The following SRGAP1 variants were observed in gnomAD, a reference collection of about 807,000 sequenced individuals.
SRGAP1 encodes the protein SLIT-ROBO Rho GTPase-activating protein 1.
In SRGAP1, 43 loss-of-function variants were observed where a neutral mutation model predicts 121.9. The ratio of observed to expected loss-of-function variants is 0.35; its 90% CI spans 0.28 to 0.46. SRGAP1 has a LOEUF of 0.46. SRGAP1 is among the 20% of genes least tolerant of loss of function. The pLI is 1.00. For synonymous variants in SRGAP1, 447 were observed against 485.4 expected, an observed-to-expected ratio of 0.92 and a Z score of 1.04; for missense variants, 1,102 against 1,350.9, an observed-to-expected ratio of 0.82 and a Z score of 2.89.
At chr12:64,095,249 A>G (rs749457342) in intron 14 of SRGAP1, 45 bp downstream of exon 14, 2 of 1,568,016 alleles carry the variant, frequency 1.3e-6, no homozygotes, top group South Asian at 2.2e-5. Flanking sequence ...TTGAAAAGTC[A>G]TCATGTTCTG....
intron 1 of SRGAP1, among the ~76,000 whole-genome samples, chr12:63,944,853 G>T (rs535310418): frequency 6.6e-6 from 1 of 152,180 alleles, no homozygotes; most frequent in Non-Finnish European, 1.5e-5. Context: ...TGCACAGTGA[G>T]GCACAAAGTG....
chr12:64,133,572 AC>A (rs1592352522), intron 21 of SRGAP1, among the ~76,000 whole-genome samples: 1 of 152,252 alleles, frequency 6.6e-6, no homozygotes, highest in Non-Finnish European at 1.5e-5. Context: ...TTACACAGTT[AC>A]CCTGGTAAAA....
At chr12:63,994,679 C>T (rs1262744616) in intron 3 of SRGAP1, among the ~76,000 whole-genome samples, 1 of 152,120 alleles carries the variant, frequency 6.6e-6, no homozygotes, top group Non-Finnish European at 1.5e-5. Context: ...CTGCTTTTAA[C>T]CTCTTAAGTT....
intron 1 of SRGAP1, among the ~76,000 whole-genome samples, chr12:63,946,614 G>T (rs1249525397): frequency 6.6e-6 from 1 of 151,216 alleles, no homozygotes; most frequent in Non-Finnish European, 1.5e-5. Flanking sequence ...TGGGATCTTG[G>T]CTCACTGAAT....
At chr12:64,047,600 G>A (rs2035155875) in intron 6 of SRGAP1, among the ~76,000 whole-genome samples, 1 of 152,130 alleles carries the variant, frequency 6.6e-6, no homozygotes, top group Non-Finnish European at 1.5e-5. Context: ...ATTATAAAGA[G>A]TCAGAGAATT....
intron 4 of SRGAP1, among the ~76,000 whole-genome samples, chr12:64,038,154 ATT>A (rs1161691792): frequency 6.6e-6 from 1 of 152,166 alleles, no homozygotes; most frequent in African/African-American, 2.4e-5. Flanking sequence ...AAAGGTACTT[ATT>A]TCATAAGAGT....
At chr12:64,031,345 A>G (rs2034775645) in intron 4 of SRGAP1, among the ~76,000 whole-genome samples, 1 of 150,962 alleles carries the variant, frequency 6.6e-6, no homozygotes, top group Non-Finnish European at 1.5e-5. Context: ...AATAGCTGCC[A>G]TCTACCCTGA....
At chr12:64,073,537 C>G (rs566062815) in intron 8 of SRGAP1, among the ~76,000 whole-genome samples, 1 of 152,268 alleles carries the variant, frequency 6.6e-6, no homozygotes, top group South Asian at 2.1e-4. Flanking sequence ...CCCGAAGATG[C>G]TCAAGTCCCT....
At chr12:63,999,261 G>A (rs1267384704) in intron 3 of SRGAP1, among the ~76,000 whole-genome samples, 1 of 152,148 alleles carries the variant, frequency 6.6e-6, no homozygotes, top group Non-Finnish European at 1.5e-5. Flanking sequence ...GGAGAAATAA[G>A]GAGTTGAAAT....
At chr12:63,868,321 G>A (rs1230656712) in intron 1 of SRGAP1, among the ~76,000 whole-genome samples, 1 of 151,728 alleles carries the variant, frequency 6.6e-6, no homozygotes, top group Admixed American at 6.6e-5. Context: ...GACTTCAGGT[G>A]ATCCGCCCGC....
chr12:64,010,974 A>T, intron 3 of SRGAP1, among the ~76,000 whole-genome samples: 1 of 151,762 alleles, frequency 6.6e-6, no homozygotes, highest in East Asian at 1.9e-4. Flanking sequence ...CCTTGGGGGC[A>T]AGTTGAAGTT....
At chr12:64,126,832 CATATAA>C (rs2036694895) in intron 19 of SRGAP1, among the ~76,000 whole-genome samples, 1 of 151,950 alleles carries the variant, frequency 6.6e-6, no homozygotes, top group South Asian at 2.1e-4. Flanking sequence ...GAAATATCTA[CATATAA>C]ATATATTCAT....
At chr12:64,013,733 A>G (rs2034321790) in intron 3 of SRGAP1, among the ~76,000 whole-genome samples, 1 of 152,216 alleles carries the variant, frequency 6.6e-6, no homozygotes, top group Admixed American at 6.5e-5. Context: ...ATTCAATAGC[A>G]CTGGTAGTAG....
rs542507917 is a variant in SRGAP1, at chr12:64,143,895, A to G, written c.*1223A>G. 3 of 152,362 alleles carry G rather than the reference A, an allele frequency of 2.0e-5. No homozygotes were observed. In the East Asian group the frequency reaches 5.8e-4, roughly 29 times the overall value. 9.4% of individuals were successfully genotyped at this position (152,362 alleles called of 1,614,324 possible). On this transcript the variant is annotated 3_prime_UTR_variant, in exon 22 of 22. Transcript: ENST00000355086. ...TGGCCCTGGTACCTGAGTAAGAGCC[A>G]TGCAGGGCCATCAGCAGAACATGGC...
intron 3 of SRGAP1, among the ~76,000 whole-genome samples, chr12:64,003,028 G>T (rs1027932382): frequency 5.7e-5 from 7 of 123,598 alleles, no homozygotes; most frequent in South Asian, 2.7e-4. Context: ...GTGAGTGAGA[G>T]AGAGAGAGAG....
intron 14 of SRGAP1, among the ~76,000 whole-genome samples, chr12:64,095,611 C>T (rs2036141810): frequency 6.6e-6 from 1 of 152,134 alleles, no homozygotes; most frequent in African/African-American, 2.4e-5. Flanking sequence ...CAGACTCCTT[C>T]CCTGTGACCC....
chr12:64,012,322 C>A lies in SRGAP1; in HGVS notation c.427-4628C>A, dbSNP rs1480233902. 6.6e-5 allele frequency among the ~76,000 whole-genome samples: 10 copies of A among 152,136 alleles called. No homozygotes were observed. In the East Asian group the frequency reaches 1.9e-3, roughly 29 times the overall value. On this transcript the variant is annotated intron_variant, in intron 3 of 21. Transcript: ENST00000355086. ...ATGTTAACTGAATTGAAGTTCTATC[C>A]ATTTTCCTTCCCCTTGGGTCAGGAT... is the stretch of plus-strand genomic sequence containing the variant.
intron 1 of SRGAP1, among the ~76,000 whole-genome samples, chr12:63,847,386 G>C (rs554260059): frequency 4.6e-5 from 7 of 152,096 alleles, no homozygotes; most frequent in Admixed American, 4.6e-4. Flanking sequence ...ATTACAGTCA[G>C]CAACTTTATC....
rs143030578 is a variant in SRGAP1 at position 64,094,252 on chromosome 12, C to T, written c.1540-680C>T. ...CTATACATGTTTTAAAACACTGCCA[C>T]GGTTTACATTTGTTCAGTAGAAGGC... On this transcript the variant is annotated intron_variant, in intron 12 of 21. Coordinates refer to ENST00000355086, the MANE Select transcript of SRGAP1 (RefSeq NM_020762.4). Among the ~76,000 whole-genome samples, 662 of 152,110 alleles carry T rather than the reference C, an allele frequency of 4.4e-3. 4 individuals carry two copies. The highest frequency in any genetic ancestry group is 7.2e-3 in the Non-Finnish European group (491 of 67,980).
Sources: gnomAD v4.1 joint callset for allele counts (sites outside exome capture counted in the v4.1 genomes callset) on GRCh38, gnomAD v4.1.1 for gene constraint, MANE v1.5 for transcripts, NCBI Gene and HGNC (gene_info 2026-07-23, HGNC 2026-07-21) for gene names.